SEL1L3: variants seen among roughly 807,000 people sequenced by gnomAD.
SEL1L3 encodes SEL1L family member 3, also known as protein sel-1 homolog 3.
In SEL1L3, 76 loss-of-function variants were observed where a neutral mutation model predicts 142.8. The observed-to-expected ratio is 0.53, with a 90% CI of 0.44 to 0.64. The LOEUF is 0.64. Among genes scored for constraint, SEL1L3 ranks in the 30% least tolerant of loss-of-function variants. The pLI, the probability that SEL1L3 is intolerant of heterozygous loss-of-function variation, is 0.00. For synonymous variants in SEL1L3, 504 were observed against 519.6 expected, an observed-to-expected ratio of 0.97 and a Z score of 0.41; for missense variants, 1,262 against 1,381.7, an observed-to-expected ratio of 0.91 and a Z score of 1.37.
rs748375476 is a variant in SEL1L3, at chr4:25,790,577, GAGAAGGAAGGAGGGAA to G, written c.1957-19_1957-4del. 240 of 1,561,718 alleles carry G rather than the reference GAGAAGGAAGGAGGGAA, an allele frequency of 1.5e-4. 1 individual carries two copies. Among genetic ancestry groups the G allele is most frequent in the South Asian group, 4.6e-4 (41 of 89,334 alleles). On this transcript the variant is annotated splice_region_variant and splice_polypyrimidine_tract_variant and intron_variant, in intron 11 of 23. Coordinates refer to ENST00000399878, the MANE Select transcript of SEL1L3 (RefSeq NM_015187.5). ...AGTCTAATTGTTTCAACATATGCCTGAGAAGGAAGGAGGGAAAGAAGGAAGGAGGGAAAGAAGGAAG... is the reference window on the plus strand; with the variant it reads ...AGTCTAATTGTTTCAACATATGCCTGAGAAGGAAGGAGGGAAAGAAGGAAG...
chr4:25,814,156 T>G (rs1714216076), intron 9 of SEL1L3, among the ~76,000 whole-genome samples: 1 of 151,584 alleles, frequency 6.6e-6, no homozygotes, highest in Non-Finnish European at 1.5e-5. Context: ...TGCACCATGG[T>G]GTCATCTTAT....
At chr4:25,727,295 G>A in the SEL1L3 span, among the ~76,000 whole-genome samples, 70 of 152,114 alleles carry the variant, frequency 4.6e-4, no homozygotes, top group African/African-American at 1.3e-3. Flanking sequence ...CTCGTGATCC[G>A]CCCTCCTTGG....
chr4:25,782,347 T>C lies in SEL1L3; in HGVS notation c.2352A>G (p.Ala784=). 1 of 1,613,932 alleles carries C rather than the reference T, an allele frequency of 6.2e-7. No homozygotes were observed. Among genetic ancestry groups the C allele is most frequent in the Non-Finnish European group, 8.5e-7 (1 of 1,179,818 alleles). ...HKFKKNYAKA[A]KYWLKAEEMG... is the part of the protein sequence containing the mutation. ...TTTCTTCTGCTTTTAACCAGTACTT[T>C]GCTGCTTTGGCGTAATTTTTCTTGA... Residue 784 remains alanine (A), a synonymous_variant, in exon 15 of 24, where the codon GCA becomes GCG. Coordinates refer to ENST00000399878, the MANE Select transcript of SEL1L3 (RefSeq NM_015187.5).
intron 1 of SEL1L3, 43 bp from the exon 2 acceptor site, chr4:25,847,907 A>C: frequency 8.3e-7 from 1 of 1,198,796 alleles, no homozygotes; most frequent in Non-Finnish European, 1.2e-6. Flanking sequence ...GAAAGTTTAA[A>C]AATCCTCATC....
chr4:25,812,611 C>G (rs1577644494), intron 9 of SEL1L3, among the ~76,000 whole-genome samples: 1 of 151,206 alleles, frequency 6.6e-6, no homozygotes, highest in African/African-American at 2.4e-5. Context: ...ACTCAGGAGG[C>G]TGAGGCAAGA....
At chr4:25,860,089 C>T (rs546347143) in intron 1 of SEL1L3, among the ~76,000 whole-genome samples, 1 of 152,366 alleles carries the variant, frequency 6.6e-6, no homozygotes, top group East Asian at 1.9e-4. Context: ...GGGCAACTAA[C>T]TTAACCTCTC....
At chr4:25,771,404 A>G (rs1257831032) in intron 17 of SEL1L3, among the ~76,000 whole-genome samples, 3 of 152,180 alleles carry the variant, frequency 2.0e-5, no homozygotes, top group Admixed American at 2.0e-4. Flanking sequence ...AGACCCAGCA[A>G]ATGCATTTCT....
intron 15 of SEL1L3, 53 bp from the exon 16 acceptor site, chr4:25,779,256 C>G: frequency 6.2e-7 from 1 of 1,604,504 alleles, no homozygotes; most frequent in South Asian, 1.1e-5. Flanking sequence ...CTGGTTTCGC[C>G]AGAGACAAGG....
intron 14 of SEL1L3, 119 bp downstream of exon 14, chr4:25,784,109 A>C: frequency 2.4e-6 from 2 of 831,490 alleles, no homozygotes; most frequent in South Asian, 3.0e-5. Context: ...ACTGCTCACC[A>C]CCCCGTTTCC....
chr4:25,744,510 C>G (rs183223993), downstream of SEL1L3, among the ~76,000 whole-genome samples: 1 of 151,920 alleles, frequency 6.6e-6, no homozygotes, highest in African/African-American at 2.4e-5. Context: ...TGCACCACCA[C>G]GCCCAGCTAA....
Position 25,758,985 on chromosome 4 carries a change from A to G in SEL1L3, c.3039T>C (p.Thr1013=), listed in dbSNP as rs774626614. ...HILDFLEIDS[T]LHSNNISILQ... ...GAATGGAGATGTTATTAGAATGGAG[A>G]GTTGAGTCAATTTCCAAGAAATCCA... is the stretch of plus-strand genomic sequence containing the variant. The change falls in exon 21 of 24, where the codon ACT becomes ACC. Residue 1013 remains threonine, a synonymous_variant. Transcript: ENST00000399878. 1.9e-6 allele frequency: 3 copies of G among 1,613,686 alleles called. No individual in the cohort carries two copies. The highest frequency in any genetic ancestry group is 2.5e-6 in the Non-Finnish European group (3 of 1,179,718).
rs561902851 is a variant in SEL1L3 at position 25,853,504 on chromosome 4, G to C, written c.163-5640C>G. Among the ~76,000 whole-genome samples, 75 of 152,088 alleles carry C rather than the reference G, an allele frequency of 4.9e-4. 1 individual carries two copies. In the Middle Eastern group the frequency reaches 0.017, roughly 34 times the overall value. On this transcript the variant is annotated intron_variant, in intron 1 of 23. Transcript: ENST00000399878. ...TGGTCTGATTTGAGATGTCCTGTAA[G>C]TGTAAAATATTCATTGAATTTCAAA... is the stretch of plus-strand genomic sequence containing the variant.
At chr4:25,764,948 G>A (rs999942497) in intron 20 of SEL1L3, among the ~76,000 whole-genome samples, 1 of 152,078 alleles carries the variant, frequency 6.6e-6, no homozygotes, top group Admixed American at 6.6e-5. Flanking sequence ...CTGAAAGGAC[G>A]GTTAGGAAGA....
chr4:25,816,776 A>G (rs1043802267), intron 9 of SEL1L3, among the ~76,000 whole-genome samples: 38 of 151,844 alleles, frequency 2.5e-4, no homozygotes, highest in African/African-American at 8.0e-4. Flanking sequence ...CTGCCTCCCC[A>G]TTGTCACAGC....
chr4:25,714,936 G>GA, the SEL1L3 span, among the ~76,000 whole-genome samples: 5 of 151,856 alleles, frequency 3.3e-5, no homozygotes, highest in Admixed American at 6.6e-5. Context: ...ATCAGATCAG[G>GA]AAAAAACCTA....
intron 20 of SEL1L3, 87 bp downstream of exon 20, chr4:25,765,239 C>T (rs760913683): frequency 2.0e-5 from 17 of 852,906 alleles, no homozygotes; most frequent in Non-Finnish European, 3.0e-5. Flanking sequence ...AGTGACCCGC[C>T]CCCGTCGGCC....
chr4:25,814,039 A>G (rs1314250007), intron 9 of SEL1L3, among the ~76,000 whole-genome samples: 4 of 152,208 alleles, frequency 2.6e-5, no homozygotes, highest in Non-Finnish European at 5.9e-5. Context: ...AAACGTGCAT[A>G]TGTAGCGGCC....
At chr4:25,846,252 G>A (rs1196642463) in intron 2 of SEL1L3, among the ~76,000 whole-genome samples, 2 of 152,218 alleles carry the variant, frequency 1.3e-5, no homozygotes, top group African/African-American at 2.4e-5. Context: ...GCTTAAGGGA[G>A]GCTGCAGAAG....
intron 1 of SEL1L3, among the ~76,000 whole-genome samples, chr4:25,850,344 A>G (rs1211525262): frequency 6.6e-6 from 1 of 152,228 alleles, no homozygotes; most frequent in Non-Finnish European, 1.5e-5. Flanking sequence ...CAACAAGTAA[A>G]TGCTCATTCA....
Sources: allele counts gnomAD v4.1 joint callset (sites outside exome capture counted in the v4.1 genomes callset), GRCh38; gene constraint gnomAD v4.1.1; transcripts MANE v1.5; gene names NCBI Gene and HGNC (gene_info 2026-07-23, HGNC 2026-07-21).